The following TTC19 variants were observed in gnomAD, a reference collection of about 807,000 sequenced individuals.
TTC19 encodes tetratricopeptide repeat protein 19, mitochondrial.
In TTC19, 38 loss-of-function variants were observed where a neutral mutation model predicts 49.5. That is an observed-to-expected ratio of 0.77 (90% CI 0.59 to 1.01). The LOEUF is 1.01. Among genes scored for constraint, TTC19 ranks in the 50% least tolerant of loss-of-function variants. The pLI, the probability that TTC19 is intolerant of heterozygous loss-of-function variation, is 0.00. For synonymous variants in TTC19, 204 were observed against 185.2 expected, an observed-to-expected ratio of 1.10 and a Z score of -0.83; for missense variants, 475 against 477.7, an observed-to-expected ratio of 0.99 and a Z score of 0.05.
exon 3 of TTC19, chr17:16,044,999 G>GAA (rs112069615): frequency 1.7e-3 from 488 of 292,982 alleles, no homozygotes; most frequent in South Asian, 3.0e-3. Context: ...CTGAACTTAA[G>GAA]AAAAAAAAAA....
chr17:16,000,201 G>C lies in TTC19; in HGVS notation c.268G>C (p.Asp90His). 3.1e-6 allele frequency: 5 copies of C among 1,594,640 alleles called. No individual in the cohort carries two copies. Among genetic ancestry groups the C allele is most frequent in the Non-Finnish European group, 4.2e-6 (5 of 1,178,958 alleles). ...CGGGGCCGCTGCCGAGGACGGGGCG[G>C]ACGAGGCCGAGGCAGAGATCATCCA... ...ADGAAAEDGA[D>H]EAEAEIIQLL... Residue 90 changes from aspartate to histidine, a missense_variant, in exon 2 of 10, where the codon GAC becomes CAC. Asp to His is a moderately conservative substitution (Grantham distance 81, BLOSUM62 -1). Transcript: ENST00000261647.
chr17:16,043,002 C>T (rs1462835576), intron 2 of TTC19, among the ~76,000 whole-genome samples: 1 of 152,046 alleles, frequency 6.6e-6, no homozygotes, highest in African/African-American at 2.4e-5. Flanking sequence ...AAGAAGTGAG[C>T]CCTGGGGAAA....
At chr17:16,041,886 G>A (rs767359881) in intron 2 of TTC19, among the ~76,000 whole-genome samples, 9 of 152,218 alleles carry the variant, frequency 5.9e-5, no homozygotes, top group Non-Finnish European at 7.4e-5. Flanking sequence ...ACAGGCGCCC[G>A]CCACTATGCC....
chr17:16,041,766 T>C (rs541909708), intron 2 of TTC19, among the ~76,000 whole-genome samples: 97 of 151,542 alleles, frequency 6.4e-4, no homozygotes, highest in Admixed American at 1.8e-3. Context: ...AGACGGAGTC[T>C]CACTCTGCCG....
chr17:16,032,662 T>C (rs1259463447), downstream of TTC19, among the ~76,000 whole-genome samples: 2 of 152,190 alleles, frequency 1.3e-5, no homozygotes, highest in East Asian at 3.8e-4. Context: ...TAGCCAATGA[T>C]ATATAGCAGT....
In TTC19 at chr17:16,028,101, G is replaced by A. The variant is rs974345329; in HGVS notation, c.*579G>A. ...AAGTTGTAAAGTGGGGATTAGGCAC[G>A]TGACAGTATAGCACCCATTTGAATT... On this transcript the variant is annotated 3_prime_UTR_variant, in exon 10 of 10. Coordinates refer to ENST00000261647, the MANE Select transcript of TTC19 (RefSeq NM_017775.4). 8 of 453,932 alleles carry A rather than the reference G, an allele frequency of 1.8e-5. No individual in the cohort carries two copies. Among genetic ancestry groups the A allele is most frequent in the African/African-American group, 1.2e-4 (6 of 49,970 alleles). 28.1% of individuals were successfully genotyped at this position (453,932 alleles called of 1,614,324 possible).
intron 4 of TTC19, 147 bp downstream of exon 4, chr17:16,002,978 T>G: frequency 1.2e-6 from 1 of 823,794 alleles, no homozygotes; most frequent in Non-Finnish European, 2.0e-6. Flanking sequence ...TTCTCTTTAT[T>G]GTGTTAGTCC....
chr17:16,012,282 C>T (rs1208314781), intron 7 of TTC19, among the ~76,000 whole-genome samples: 2 of 152,112 alleles, frequency 1.3e-5, no homozygotes, highest in East Asian at 1.9e-4. Context: ...TGAGGTCAGT[C>T]GTTAAAGACC....
chr17:16,032,678 C>T (rs76378086), downstream of TTC19, among the ~76,000 whole-genome samples: 1,556 of 152,134 alleles, frequency 0.01, 34 homozygotes, highest in African/African-American at 0.036. Flanking sequence ...GCAGTCAGTG[C>T]GGGTCCAAAA....
In TTC19 at chr17:16,028,107, G is replaced by C. The variant is rs1971641407; in HGVS notation, c.*585G>C. The C allele has an allele frequency of 2.2e-6, 1 of 454,076 alleles. No homozygotes were observed. The highest frequency in any genetic ancestry group is 2.3e-5 in the Admixed American group (1 of 42,578). 28.1% of individuals were successfully genotyped at this position (454,076 alleles called of 1,614,324 possible). ...TAAAGTGGGGATTAGGCACGTGACA[G>C]TATAGCACCCATTTGAATTTAAATA... On this transcript the variant is annotated 3_prime_UTR_variant, in exon 10 of 10. Coordinates refer to ENST00000261647, the MANE Select transcript of TTC19 (RefSeq NM_017775.4).
chr17:16,014,868 A>G (rs1344539638), intron 7 of TTC19, among the ~76,000 whole-genome samples: 2 of 152,192 alleles, frequency 1.3e-5, no homozygotes, highest in African/African-American at 2.4e-5. Flanking sequence ...AAGCAATAGT[A>G]GTAATAGGAA....
chr17:16,024,697 A>G, intron 7 of TTC19: 2 of 366,246 alleles, frequency 5.5e-6, no homozygotes, highest in South Asian at 2.4e-5. Flanking sequence ...TTCTTATACC[A>G]TACAGGTTTT....
Position 16,002,075 on chromosome 17 carries a change from G to A in TTC19, c.423+50G>A, listed in dbSNP as rs771964422. On this transcript the variant is annotated intron_variant, in intron 3 of 9. Transcript: ENST00000261647. ...CACTGATGAGGAAGGTTGGATGGGA[G>A]GGAAGGGTAGTTAGTTCTTCTGATT... The A allele has an allele frequency of 4.1e-6, 5 of 1,230,332 alleles. No homozygotes were observed. The African/African-American group carries it at 4.4e-5, about 11-fold the overall frequency. 76.2% of individuals were successfully genotyped at this position (1,230,332 alleles called of 1,614,324 possible).
chr17:16,025,186 C>A lies in TTC19; in HGVS notation c.831+15C>A, dbSNP rs752071839. 2.5e-6 allele frequency: 4 copies of A among 1,611,740 alleles called. No individual in the cohort carries two copies. In the Admixed American group the frequency reaches 5.0e-5, roughly 20 times the overall value. On this transcript the variant is annotated intron_variant, in intron 8 of 9. Transcript: ENST00000261647. ...GACACCCACAGGTAAGGGAGGAAAA[C>A]ACAGAAGGGGGAATATAAAACAAAG...
chr17:16,015,087 TTTG>T (rs1160725910), intron 7 of TTC19, among the ~76,000 whole-genome samples: 1 of 152,352 alleles, frequency 6.6e-6, no homozygotes, highest in East Asian at 1.9e-4. Flanking sequence ...GTTTGTATTA[TTTG>T]TTATCGCAGG....
chr17:16,018,610 G>A (rs144550640), intron 7 of TTC19, among the ~76,000 whole-genome samples: 7 of 152,214 alleles, frequency 4.6e-5, no homozygotes, highest in Admixed American at 2.6e-4. Flanking sequence ...AGGCTCAACT[G>A]ATCCTCCTAC....
chr17:16,001,176 C>T (rs1970717313), intron 2 of TTC19, among the ~76,000 whole-genome samples: 1 of 152,056 alleles, frequency 6.6e-6, no homozygotes, highest in Non-Finnish European at 1.5e-5. Flanking sequence ...TGGATTATGT[C>T]ATCTCCTTGT....
At chr17:16,012,352 C>T (rs968166023) in intron 7 of TTC19, among the ~76,000 whole-genome samples, 18 of 151,944 alleles carry the variant, frequency 1.2e-4, no homozygotes, top group Non-Finnish European at 2.5e-4. Flanking sequence ...TGGTGTTGCG[C>T]ACTTGTAGTC....
intron 4 of TTC19, among the ~76,000 whole-genome samples, chr17:16,003,501 C>T (rs1970804391): frequency 6.6e-6 from 1 of 151,780 alleles, no homozygotes; most frequent in Non-Finnish European, 1.5e-5. Context: ...ATCGAGGGGA[C>T]TCTGTAATCA....
Sources: allele counts gnomAD v4.1 joint callset (sites outside exome capture counted in the v4.1 genomes callset), GRCh38; gene constraint gnomAD v4.1.1; transcripts MANE v1.5; gene names NCBI Gene and HGNC (gene_info 2026-07-23, HGNC 2026-07-21).